OPCML: variants seen among roughly 807,000 people sequenced by gnomAD.
OPCML encodes the protein opioid binding protein/cell adhesion molecule like, also known as opioid-binding protein/cell adhesion molecule.
OPCML carries 13 observed loss-of-function variants against 37.8 expected under a neutral mutation model. The observed-to-expected ratio is 0.34, with a 90% CI of 0.22 to 0.55. The LOEUF is 0.55. Ranked by LOEUF, OPCML falls within the 20% of genes least tolerant of loss-of-function variation. The pLI is 0.91. For synonymous variants in OPCML, 176 were observed against 168.8 expected (o/e 1.04, Z -0.33); for missense variants, 341 against 435.6 (o/e 0.78, Z 1.93).
intron 2 of OPCML, among the ~76,000 whole-genome samples, chr11:132,769,248 T>A (rs1946560754): frequency 6.6e-6 from 1 of 151,286 alleles, no homozygotes; most frequent in East Asian, 1.9e-4. Flanking sequence ...TTGTTGTTTT[T>A]TTTTTTTGAG....
intron 1 of OPCML, chr11:133,299,181 G>A (rs976086985): frequency 6.6e-6 from 1 of 152,190 alleles, no homozygotes; most frequent in African/African-American, 2.4e-5. Flanking sequence ...GTTTCTACCT[G>A]GGTGATGGCA....
chr11:132,529,028 C>T, intron 4 of OPCML, 33 bp downstream of exon 4: 3 of 1,384,026 alleles, frequency 2.2e-6, no homozygotes, highest in Non-Finnish European at 3.1e-6. Context: ...TAACATACTA[C>T]CTCTGAAAAC....
intron 2 of OPCML, among the ~76,000 whole-genome samples, chr11:132,901,110 G>A (rs1944045267): frequency 1.3e-5 from 2 of 152,058 alleles, no homozygotes; most frequent in South Asian, 4.2e-4. Flanking sequence ...AACCCGGGAG[G>A]CGGAGGTTAC....
chr11:132,628,648 G>C (rs538699955), intron 3 of OPCML, among the ~76,000 whole-genome samples: 20 of 152,202 alleles, frequency 1.3e-4, no homozygotes, highest in Admixed American at 2.0e-4. Flanking sequence ...CCAGGTACCA[G>C]ATAATTACAC....
intron 4 of OPCML, among the ~76,000 whole-genome samples, chr11:132,474,376 A>C (rs191517230): frequency 6.6e-6 from 1 of 152,216 alleles, no homozygotes; most frequent in African/African-American, 2.4e-5. Flanking sequence ...ACCTCTTCAC[A>C]TAGGAGCGAA....
chr11:132,917,923 C>A (rs763432705), intron 2 of OPCML, among the ~76,000 whole-genome samples: 23 of 152,240 alleles, frequency 1.5e-4, no homozygotes, highest in Non-Finnish European at 2.1e-4. Context: ...AGAAAACAAG[C>A]TTTTAATCTA....
intron 2 of OPCML, among the ~76,000 whole-genome samples, chr11:132,679,763 A>C (rs191576312): frequency 1.5e-3 from 235 of 152,338 alleles, no homozygotes; most frequent in Admixed American, 3.0e-3. Flanking sequence ...AAATTATATC[A>C]CAATAAAACT....
At chr11:132,722,548 C>A (rs982133051) in intron 2 of OPCML, among the ~76,000 whole-genome samples, 1 of 152,130 alleles carries the variant, frequency 6.6e-6, no homozygotes, top group African/African-American at 2.4e-5. Flanking sequence ...ACAAAGGCAG[C>A]CTGTTCTCAC....
intron 3 of OPCML, among the ~76,000 whole-genome samples, chr11:132,644,257 C>T (rs1025082130): frequency 2.0e-5 from 3 of 152,064 alleles, no homozygotes; most frequent in Admixed American, 6.5e-5. Flanking sequence ...GGCACCACCA[C>T]GATTTAGGTG....
chr11:132,810,097 C>A (rs1939254089), intron 2 of OPCML, among the ~76,000 whole-genome samples: 1 of 152,104 alleles, frequency 6.6e-6, no homozygotes, highest in South Asian at 2.1e-4. Flanking sequence ...GATCCGCCCG[C>A]CTCAGCCTCC....
intron 4 of OPCML, among the ~76,000 whole-genome samples, chr11:132,456,094 G>A (rs770181445): frequency 1.3e-5 from 2 of 152,076 alleles, no homozygotes; most frequent in African/African-American, 4.8e-5. Context: ...TGTTCATATT[G>A]TCTCTCTCCC....
intron 2 of OPCML, among the ~76,000 whole-genome samples, chr11:132,701,171 G>C (rs565284503): frequency 6.6e-6 from 1 of 152,312 alleles, no homozygotes; most frequent in East Asian, 1.9e-4. Context: ...CATGGTGGAA[G>C]ACAAAGGAGA....
At chr11:132,541,729 G>A (rs535769919) in intron 3 of OPCML, among the ~76,000 whole-genome samples, 1 of 152,126 alleles carries the variant, frequency 6.6e-6, no homozygotes, top group Non-Finnish European at 1.5e-5. Context: ...AAGAGGAGAG[G>A]CTGAGATGTG....
At chr11:132,485,901 A>G (rs1592249217) in intron 4 of OPCML, among the ~76,000 whole-genome samples, 1 of 152,272 alleles carries the variant, frequency 6.6e-6, no homozygotes, top group East Asian at 1.9e-4. Context: ...TCTTAAATAA[A>G]TACCTAGGAG....
intron 1 of OPCML, among the ~76,000 whole-genome samples, chr11:133,497,151 C>G (rs1947804067): frequency 6.6e-6 from 1 of 152,110 alleles, no homozygotes; most frequent in Non-Finnish European, 1.5e-5. Flanking sequence ...ACCAATTATT[C>G]TTATGTTTGG....
chr11:132,499,105 A>G (rs2096240296), intron 4 of OPCML, among the ~76,000 whole-genome samples: 1 of 152,222 alleles, frequency 6.6e-6, no homozygotes, highest in Non-Finnish European at 1.5e-5. Context: ...CGGGCTAGTC[A>G]GGTGGAGAAG....
At chr11:133,531,523 T>C (rs1260968498) in intron 1 of OPCML, among the ~76,000 whole-genome samples, 3 of 152,132 alleles carry the variant, frequency 2.0e-5, no homozygotes, top group African/African-American at 7.2e-5. Flanking sequence ...AAGGAGATAC[T>C]GAGAGGATTC....
intron 2 of OPCML, among the ~76,000 whole-genome samples, chr11:132,688,320 C>T (rs917505132): frequency 6.6e-6 from 1 of 152,010 alleles, no homozygotes; most frequent in African/African-American, 2.4e-5. Flanking sequence ...CTCTTTGAAC[C>T]GGCAGTAAAT....
chr11:133,003,838 T>A, intron 1 of OPCML: 1 of 985,430 alleles, frequency 1.0e-6, no homozygotes, highest in Non-Finnish European at 1.2e-6. Flanking sequence ...GATAAATGAA[T>A]AATGCAGATC....
Sources: allele counts gnomAD v4.1 joint callset (sites outside exome capture counted in the v4.1 genomes callset), GRCh38; gene constraint gnomAD v4.1.1; transcripts MANE v1.5; gene names NCBI Gene and HGNC (gene_info 2026-07-23, HGNC 2026-07-21).